GRM8: variants seen among roughly 807,000 people sequenced by gnomAD.
GRM8 encodes metabotropic glutamate receptor 8.
Under a neutral mutation model 87.2 loss-of-function variants are expected in GRM8, and 47 were observed. That is an observed-to-expected ratio of 0.54 (90% confidence interval 0.43 to 0.69). The LOEUF (loss-of-function observed/expected upper bound fraction) is 0.69, where lower values mean the gene tolerates loss of function less well. Among genes scored for constraint, GRM8 ranks in the 30% least tolerant of loss-of-function variants. The pLI is 0.00. For synonymous variants in GRM8, 396 were observed against 404.5 expected, an observed-to-expected ratio of 0.98 and a Z score of 0.25; for missense variants, 1,019 against 1,139.2, an observed-to-expected ratio of 0.89 and a Z score of 1.52.
chr7:126,464,705 C>G (rs899024279), intron 9 of GRM8, among the ~76,000 whole-genome samples: 3 of 151,528 alleles, frequency 2.0e-5, no homozygotes, highest in African/African-American at 7.3e-5. Flanking sequence ...CTGATGACAG[C>G]TATTATTTTA....
chr7:126,527,129 C>T (rs975208188), intron 9 of GRM8, among the ~76,000 whole-genome samples: 5 of 152,132 alleles, frequency 3.3e-5, no homozygotes, highest in African/African-American at 7.2e-5. Context: ...GAGGCCGAGG[C>T]GGGTGGATCA....
At chr7:126,782,551 G>T (rs113871229) in intron 6 of GRM8, among the ~76,000 whole-genome samples, 6,072 of 152,220 alleles carry the variant, frequency 0.04, 421 homozygotes, top group African/African-American at 0.14. Context: ...TAACAAGAAA[G>T]TATGAGTAAT....
chr7:126,472,211 C>T (rs1048006847), intron 9 of GRM8, among the ~76,000 whole-genome samples: 1 of 152,148 alleles, frequency 6.6e-6, no homozygotes, highest in Non-Finnish European at 1.5e-5. Flanking sequence ...CTGGCCAGAA[C>T]TTCCAACACT....
intron 6 of GRM8, among the ~76,000 whole-genome samples, chr7:126,810,275 T>A (rs1793163907): frequency 6.6e-6 from 1 of 152,126 alleles, no homozygotes; most frequent in African/African-American, 2.4e-5. Context: ...GCTTCTGTAA[T>A]CCAAAGAAGG....
At chr7:126,883,126 G>A (rs539263922) in intron 6 of GRM8, among the ~76,000 whole-genome samples, 67 of 152,272 alleles carry the variant, frequency 4.4e-4, no homozygotes, top group African/African-American at 1.4e-3. Flanking sequence ...TCCATCCAGA[G>A]TATGACAACA....
At chr7:126,757,155 T>C (rs960098771) in intron 7 of GRM8, among the ~76,000 whole-genome samples, 1 of 152,188 alleles carries the variant, frequency 6.6e-6, no homozygotes, top group Non-Finnish European at 1.5e-5. Flanking sequence ...ATATTTTATC[T>C]TTATTAAAAA....
intron 3 of GRM8, among the ~76,000 whole-genome samples, chr7:127,083,233 A>G (rs1411347954): frequency 6.6e-6 from 1 of 152,140 alleles, no homozygotes; most frequent in African/African-American, 2.4e-5. Context: ...CGTTGATAAT[A>G]TAATTATTCA....
chr7:126,893,731 G>A (rs1246477755), intron 6 of GRM8, among the ~76,000 whole-genome samples: 5 of 151,920 alleles, frequency 3.3e-5, no homozygotes, highest in African/African-American at 1.2e-4. Context: ...ACAATATAGA[G>A]TTTAACAAAT....
At chr7:126,596,250 C>A (rs1797184137) in intron 8 of GRM8, among the ~76,000 whole-genome samples, 1 of 152,160 alleles carries the variant, frequency 6.6e-6, no homozygotes, top group African/African-American at 2.4e-5. Flanking sequence ...TCCACAATGG[C>A]TAAACTAATT....
At chr7:126,555,769 C>T (rs139633191) in intron 8 of GRM8, among the ~76,000 whole-genome samples, 19 of 152,282 alleles carry the variant, frequency 1.2e-4, no homozygotes, top group African/African-American at 3.4e-4. Context: ...GATGCAAATG[C>T]TCACTTTATT....
chr7:126,493,700 C>T (rs1468098), intron 9 of GRM8, among the ~76,000 whole-genome samples: 48,947 of 151,862 alleles, frequency 0.32, 8,269 homozygotes, highest in South Asian at 0.41. Flanking sequence ...AGTCCCTGAC[C>T]TCTATCAGGG....
At chr7:126,542,538 T>C (rs1460365002) in intron 8 of GRM8, among the ~76,000 whole-genome samples, 6 of 152,164 alleles carry the variant, frequency 3.9e-5, no homozygotes, top group Non-Finnish European at 5.9e-5. Context: ...AAAATGGAAC[T>C]GGAGAAGACA....
chr7:127,041,679 GAC>G (rs549874034), intron 3 of GRM8, among the ~76,000 whole-genome samples: 75 of 152,322 alleles, frequency 4.9e-4, no homozygotes, highest in Non-Finnish European at 8.7e-4. Context: ...AAATCAGAGA[GAC>G]ACAGCCTGCT....
chr7:126,849,905 T>C (rs1797054640), intron 6 of GRM8, among the ~76,000 whole-genome samples: 1 of 152,140 alleles, frequency 6.6e-6, no homozygotes, highest in Non-Finnish European at 1.5e-5. Flanking sequence ...TCCTGCACCA[T>C]AATGTCCCCT....
At chr7:126,860,459 G>A (rs1798051419) in intron 6 of GRM8, among the ~76,000 whole-genome samples, 1 of 151,956 alleles carries the variant, frequency 6.6e-6, no homozygotes, top group Non-Finnish European at 1.5e-5. Flanking sequence ...AATGTATTTT[G>A]GTAAAAATTA....
At chr7:126,601,481 G>C (rs1410827476) in intron 8 of GRM8, among the ~76,000 whole-genome samples, 2 of 152,108 alleles carry the variant, frequency 1.3e-5, no homozygotes, top group African/African-American at 4.8e-5. Flanking sequence ...GGTACTTCTA[G>C]TTCTAAATCC....
At position 126,534,539 on chromosome 7, in the gene GRM8, T is replaced by A. The variant is rs1815380647; in HGVS notation, c.1495-652A>T. On this transcript the variant is annotated intron_variant, in intron 8 of 10. Coordinates refer to ENST00000339582, the MANE Select transcript of GRM8 (RefSeq NM_000845.3). ...GATAACTTGATGGTAATGTTTTTTT[T>A]ACTGAACGAAAGTGGCCCTATGGTG... Among the ~76,000 whole-genome samples, 4 of 152,230 alleles carry A rather than the reference T, an allele frequency of 2.6e-5. No individual in the cohort carries two copies. The South Asian group carries it at 8.3e-4, about 31-fold the overall frequency.
intron 3 of GRM8, among the ~76,000 whole-genome samples, chr7:126,913,332 G>A (rs900113047): frequency 2.6e-5 from 4 of 152,148 alleles, no homozygotes; most frequent in South Asian, 4.2e-4. Context: ...AGAGCTACAC[G>A]ACAGACCTTG....
chr7:126,931,509 A>T (rs1805768971), intron 3 of GRM8, among the ~76,000 whole-genome samples: 1 of 152,250 alleles, frequency 6.6e-6, no homozygotes, highest in Non-Finnish European at 1.5e-5. Context: ...ATAACTAAAA[A>T]GTCAAAAACC....
Sources: gnomAD v4.1 joint callset for allele counts (sites outside exome capture counted in the v4.1 genomes callset) on GRCh38, gnomAD v4.1.1 for gene constraint, MANE v1.5 for transcripts, NCBI Gene and HGNC (gene_info 2026-07-23, HGNC 2026-07-21) for gene names.